DPYSL2: variants seen among roughly 807,000 people sequenced by gnomAD.
DPYSL2 encodes the protein dihydropyrimidinase like 2.
DPYSL2 carries 13 observed loss-of-function variants against 69.9 expected under a neutral mutation model. The ratio of observed to expected loss-of-function variants is 0.19; its 90% CI spans 0.12 to 0.30. DPYSL2 has a LOEUF of 0.30. DPYSL2 is among the 10% of genes least tolerant of loss of function. DPYSL2 has a pLI of 1.00. For synonymous variants in DPYSL2, 326 were observed against 359.1 expected (o/e 0.91, Z 1.04); for missense variants, 587 against 918.9 (o/e 0.64, Z 4.67).
rs374894157 is a variant in DPYSL2 at position 26,644,643 on chromosome 8, T to A, written c.1425+552T>A. ...CTTATCATTATCATCAATGGAACAG[T>A]AAAGACTGAAAACCTACACAGCTTT... On this transcript the variant is annotated intron_variant, in intron 10 of 13. Coordinates refer to ENST00000521913, the MANE Select transcript of DPYSL2 (RefSeq NM_001197293.3). This position sits in a 1 kb window ranked among gnomAD's most constrained non-coding sequence, Gnocchi z 4.5. Among the ~76,000 whole-genome samples, 23 of 152,130 alleles carry A rather than the reference T, an allele frequency of 1.5e-4. No homozygotes were observed. Among genetic ancestry groups the A allele is most frequent in the African/African-American group, 5.6e-4 (23 of 41,440 alleles).
chr8:26,549,735 C>G (rs1800842075), intron 1 of DPYSL2, among the ~76,000 whole-genome samples: 2 of 152,020 alleles, frequency 1.3e-5, no homozygotes, highest in South Asian at 4.2e-4. Flanking sequence ...CTCTTGAGAC[C>G]CATACAAGCA....
chr8:26,538,086 G>T (rs1800624773), intron 1 of DPYSL2, among the ~76,000 whole-genome samples: 3 of 152,176 alleles, frequency 2.0e-5, no homozygotes, highest in Admixed American at 6.5e-5. Context: ...CTATCATGAA[G>T]TGCAGGATGT....
chr8:26,596,050 G>A (rs1563402098), intron 3 of DPYSL2, among the ~76,000 whole-genome samples: 2 of 152,088 alleles, frequency 1.3e-5, no homozygotes, highest in Non-Finnish European at 2.9e-5. Flanking sequence ...GGTAGGATGG[G>A]TCCATCCTTA....
chr8:26,514,063 C>T lies in DPYSL2; in HGVS notation c.-263C>T, dbSNP rs1808226483. On this transcript the variant is annotated 5_prime_UTR_variant, in exon 1 of 14. Coordinates refer to ENST00000521913, the MANE Select transcript of DPYSL2 (RefSeq NM_001197293.3). The surrounding 1 kb of genome is among the most constrained non-coding windows in gnomAD (Gnocchi z 8.4). ...CTCCCGCAGCCGCAGCGGACGCCCT[C>T]CCAGATCCAACTTTGCCGCTTCCCC... 6.0e-6 allele frequency: 2 copies of T among 332,112 alleles called. No individual in the cohort carries two copies. The highest frequency in any genetic ancestry group is 1.1e-5 in the Non-Finnish European group (2 of 183,986). 20.6% of individuals were successfully genotyped at this position (332,112 alleles called of 1,614,324 possible).
intron 1 of DPYSL2, chr8:26,578,197 C>T: frequency 1.9e-6 from 3 of 1,612,124 alleles, no homozygotes; most frequent in Non-Finnish European, 2.5e-6. Context: ...AAGTCCCCTT[C>T]CCGGCAGTTT....
Position 26,647,639 on chromosome 8 carries a change from A to C in DPYSL2, c.1435A>C (p.Lys479Gln). ...ATGCTGTCTCCCTCAGGTCACTGGGAAGATGGATGAGAACCAGTTTGTGGC... is the reference window on the plus strand; with the variant it reads ...ATGCTGTCTCCCTCAGGTCACTGGGCAGATGGATGAGAACCAGTTTGTGGC... ...VIWDKAVVTG[K>Q]MDENQFVAVT... is the part of the protein sequence containing the mutation. Residue 479 changes from lysine (K) to glutamine (Q), a missense_variant, in exon 11 of 14, where the codon AAG becomes CAG. Transcript: ENST00000521913. The surrounding 1 kb of genome is among the most constrained non-coding windows in gnomAD (Gnocchi z 5.1). 6.2e-7 allele frequency: 1 copy of C among 1,612,620 alleles called. No individual in the cohort carries two copies. The highest frequency in any genetic ancestry group is 8.5e-7 in the Non-Finnish European group (1 of 1,179,284).
intron 1 of DPYSL2, among the ~76,000 whole-genome samples, chr8:26,515,608 A>T (rs1410542910): frequency 6.6e-6 from 1 of 152,210 alleles, no homozygotes; most frequent in East Asian, 1.9e-4. Flanking sequence ...AACAGTGAGC[A>T]TTTTCAGCGC....
At chr8:26,575,869 T>C (rs929969172) in intron 1 of DPYSL2, among the ~76,000 whole-genome samples, 2 of 152,216 alleles carry the variant, frequency 1.3e-5, no homozygotes, top group African/African-American at 4.8e-5. Context: ...TTTTGTGAGC[T>C]AATAGGACAC....
chr8:26,600,662 G>C (rs1801970506), intron 3 of DPYSL2, among the ~76,000 whole-genome samples: 1 of 152,162 alleles, frequency 6.6e-6, no homozygotes, highest in Admixed American at 6.5e-5. Flanking sequence ...CAAGTGCAAA[G>C]ATGTTTGCAG....
intron 1 of DPYSL2, among the ~76,000 whole-genome samples, chr8:26,569,183 C>T (rs1278913865): frequency 6.6e-6 from 1 of 151,632 alleles, no homozygotes; most frequent in African/African-American, 2.4e-5. Flanking sequence ...ATAGCAAGAC[C>T]CTGTCTACAC....
chr8:26,581,598 T>G (rs1202745751), intron 1 of DPYSL2, among the ~76,000 whole-genome samples: 1 of 152,092 alleles, frequency 6.6e-6, no homozygotes, highest in Admixed American at 6.5e-5. Context: ...GGTCTCAAAC[T>G]CCTGACCTCA....
chr8:26,524,520 G>A (rs985491732), intron 1 of DPYSL2, among the ~76,000 whole-genome samples: 2 of 151,916 alleles, frequency 1.3e-5, no homozygotes, highest in African/African-American at 2.4e-5. Flanking sequence ...AATGAGGGCC[G>A]AGCGCGCTAG....
chr8:26,514,552 C>T lies in DPYSL2; in HGVS notation c.227C>T (p.Pro76Leu), dbSNP rs1316411351. 6.5e-7 allele frequency: 1 copy of T among 1,527,018 alleles called. No individual in the cohort carries two copies. The allele number at this position is 1,527,018 out of a possible 1,614,324, so 94.6% of individuals were successfully genotyped here. The change falls in exon 1 of 14, where the codon CCG (proline) becomes CTG (leucine). Residue 76 changes from proline to leucine, a missense_variant. Pro to Leu is a moderately conservative substitution (Grantham distance 98, BLOSUM62 -3). Transcript: ENST00000521913. This position sits in a 1 kb window ranked among gnomAD's most constrained non-coding sequence, Gnocchi z 8.4. ...AQQRDVAHLG[P>L]DPQPPYSRQG... ...CAGCGGGACGTCGCCCACTTGGGCC[C>T]GGACCCGCAGCCGCCGTACTCGCGG...
At chr8:26,628,925 G>T (rs1411957702) in intron 7 of DPYSL2, among the ~76,000 whole-genome samples, 2 of 152,204 alleles carry the variant, frequency 1.3e-5, no homozygotes, top group East Asian at 3.9e-4. Context: ...TGTGGGAGGG[G>T]AGCCGGTCCC....
rs1172649530 is a variant in DPYSL2, at chr8:26,640,077, G to C, written c.1127-3362G>C. ...TCCCAGTTGGTTTTCACTGTGCTTT[G>C]GTGGCTGCATATGGAGCTACAGATA... On this transcript the variant is annotated intron_variant, in intron 8 of 13. Coordinates refer to ENST00000521913, the MANE Select transcript of DPYSL2 (RefSeq NM_001197293.3). This position sits in a 1 kb window ranked among gnomAD's most constrained non-coding sequence, Gnocchi z 4.2. 6.6e-6 allele frequency among the ~76,000 whole-genome samples: 1 copy of C among 152,166 alleles called. No individual in the cohort carries two copies. Among genetic ancestry groups the C allele is most frequent in the Non-Finnish European group, 1.5e-5 (1 of 68,044 alleles).
At chr8:26,546,144 T>C (rs936807579) in intron 1 of DPYSL2, among the ~76,000 whole-genome samples, 1 of 152,234 alleles carries the variant, frequency 6.6e-6, no homozygotes, top group Non-Finnish European at 1.5e-5. Context: ...TCTTCATTTA[T>C]TTAGCTCTTC....
chr8:26,535,333 G>A (rs184424497), intron 1 of DPYSL2, among the ~76,000 whole-genome samples: 1 of 152,234 alleles, frequency 6.6e-6, no homozygotes. Context: ...GATTAGATTT[G>A]GCCATGTGAA....
At chr8:26,567,919 C>T (rs1033998707) in intron 1 of DPYSL2, among the ~76,000 whole-genome samples, 3 of 152,168 alleles carry the variant, frequency 2.0e-5, no homozygotes, top group African/African-American at 7.2e-5. Context: ...TTTTACTATC[C>T]TACCTCCATT....
rs1160686582 is a variant in DPYSL2 at position 26,571,805 on chromosome 8, T to G, written c.355-10164T>G. 6.6e-6 allele frequency among the ~76,000 whole-genome samples: 1 copy of G among 152,150 alleles called. No homozygotes were observed. Among genetic ancestry groups the G allele is most frequent in the Non-Finnish European group, 1.5e-5 (1 of 68,022 alleles). ...CATTTGTCACCACTGTCACTGCTGC[T>G]AAAAGGATGCAGCCACAGGGGAAGG... On this transcript the variant is annotated intron_variant, in intron 1 of 13. Coordinates refer to ENST00000521913, the MANE Select transcript of DPYSL2 (RefSeq NM_001197293.3). The surrounding 1 kb of genome is among the most constrained non-coding windows in gnomAD (Gnocchi z 6.1).
Sources: gnomAD v4.1 joint callset for allele counts (sites outside exome capture counted in the v4.1 genomes callset) on GRCh38, gnomAD v4.1.1 for gene constraint, Gnocchi (gnomAD v3.1) non-coding constraint, MANE v1.5 for transcripts, NCBI Gene and HGNC (gene_info 2026-07-23, HGNC 2026-07-21) for gene names.